Variants in NTF3 observed in about 807,000 individuals in gnomAD.
NTF3 encodes neurotrophin 3.
In NTF3, 8 loss-of-function variants were observed where a neutral mutation model predicts 26.3. The ratio of observed to expected loss-of-function variants is 0.30; its 90% CI spans 0.18 to 0.55. The LOEUF (loss-of-function observed/expected upper bound fraction) is 0.55. Ranked by LOEUF, NTF3 falls within the 20% of genes least tolerant of loss-of-function variation. NTF3 has a pLI of 0.93. For synonymous variants in NTF3, 154 were observed against 145.5 expected (o/e 1.06, Z -0.42); for missense variants, 276 against 352.9 (o/e 0.78, Z 1.75).
At position 5,449,922 on chromosome 12, in the gene NTF3, C is replaced by G. The variant is rs369830884; in HGVS notation, c.18+17580C>G. On this transcript the variant is annotated intron_variant, in intron 1 of 1. Transcript: ENST00000423158. ...TCCTCCAGGAGGCAGGAATCCAAGG[C>G]TTATAAACCATGACTTCTGGGAAGT... Among the ~76,000 whole-genome samples, 295 of 152,352 alleles carry G rather than the reference C, an allele frequency of 1.9e-3. 10 individuals are homozygous for G. The South Asian group carries it at 0.06, about 31-fold the overall frequency.
rs373326887 is a variant in NTF3 at position 5,494,276 on chromosome 12, T to C, written c.101T>C (p.Met34Thr). ...AYLRGIQGNN[M>T]DQRSLPEDSL... ...CTCCGTGGCATCCAAGGTAACAACA[T>C]GGATCAAAGGAGTTTGCCAGAAGAC... The change falls in exon 2 of 2, where the codon ATG becomes ACG. Residue 34 changes from methionine (M) to threonine (T), a missense_variant. Coordinates refer to ENST00000423158, the MANE Select transcript of NTF3 (RefSeq NM_001102654.2). The surrounding 1 kb of genome is among the most constrained non-coding windows in gnomAD (Gnocchi z 8.3). 1.6e-5 allele frequency: 26 copies of C among 1,614,016 alleles called. No homozygotes were observed. The highest frequency in any genetic ancestry group is 2.2e-5 in the East Asian group (1 of 44,878).
intron 1 of NTF3, among the ~76,000 whole-genome samples, chr12:5,491,736 TTGAATTG>T (rs1940939515): frequency 6.9e-6 from 1 of 145,244 alleles, no homozygotes; most frequent in Non-Finnish European, 1.5e-5. Flanking sequence ...TTTTTTTTTT[TTGAATTG>T]GAGTCTTGCT....
chr12:5,491,692 A>G (rs555112285), intron 1 of NTF3, among the ~76,000 whole-genome samples: 3 of 147,600 alleles, frequency 2.0e-5, no homozygotes, highest in Non-Finnish European at 4.5e-5. Context: ...AACCCCTCTC[A>G]CTTTCCTGTG....
intron 1 of NTF3, among the ~76,000 whole-genome samples, chr12:5,453,331 C>T (rs1052529565): frequency 1.3e-5 from 2 of 152,184 alleles, no homozygotes; most frequent in Non-Finnish European, 2.9e-5. Context: ...GATACCAGCT[C>T]TCTCTTCACC....
intron 1 of NTF3, among the ~76,000 whole-genome samples, chr12:5,467,493 CT>C (rs1214836097): frequency 2.0e-5 from 3 of 152,172 alleles, no homozygotes; most frequent in Non-Finnish European, 4.4e-5. Flanking sequence ...CTTACCTGTT[CT>C]TAGGACATAT....
At chr12:5,458,496 G>A (rs542248154) in intron 1 of NTF3, among the ~76,000 whole-genome samples, 5 of 152,266 alleles carry the variant, frequency 3.3e-5, no homozygotes, top group East Asian at 1.9e-4. Context: ...CAAACCACAC[G>A]TGACAGTGTC....
At chr12:5,445,051 A>C (rs2121155418) in intron 1 of NTF3, among the ~76,000 whole-genome samples, 1 of 152,324 alleles carries the variant, frequency 6.6e-6, no homozygotes, top group African/African-American at 2.4e-5. Flanking sequence ...TCTTCTATGC[A>C]TTTCCATCCT....
At chr12:5,445,294 GTGTGTA>G (rs200085593) in intron 1 of NTF3, among the ~76,000 whole-genome samples, 19,669 of 68,398 alleles carry the variant, frequency 0.29, 1,396 homozygotes, top group Middle Eastern at 0.39. Context: ...AATGATGTGT[GTGTGTA>G]TGTGTGTGTG....
At chr12:5,482,403 G>T (rs538047549) in intron 1 of NTF3, among the ~76,000 whole-genome samples, 5 of 152,294 alleles carry the variant, frequency 3.3e-5, no homozygotes, top group African/African-American at 1.2e-4. Context: ...CCATGGTGCT[G>T]GGTCTTGGCC....
chr12:5,447,482 G>A (rs1210202038), intron 1 of NTF3, among the ~76,000 whole-genome samples: 1 of 152,196 alleles, frequency 6.6e-6, no homozygotes, highest in Non-Finnish European at 1.5e-5. Context: ...GCGAAATAGA[G>A]AACTAACCTT....
intron 1 of NTF3, among the ~76,000 whole-genome samples, chr12:5,440,326 G>A (rs1435958405): frequency 1.3e-5 from 2 of 151,982 alleles, no homozygotes; most frequent in African/African-American, 4.8e-5. Flanking sequence ...TTCTTCATAT[G>A]GAGTATATAG....
At chr12:5,488,512 C>A (rs991044508) in intron 1 of NTF3, among the ~76,000 whole-genome samples, 1 of 152,214 alleles carries the variant, frequency 6.6e-6, no homozygotes, top group Non-Finnish European at 1.5e-5. Context: ...CATCATGTGG[C>A]CCCATTGACT....
At position 5,456,316 on chromosome 12, in the gene NTF3, A is replaced by G. The variant is rs973777443; in HGVS notation, c.18+23974A>G. 2.6e-5 allele frequency among the ~76,000 whole-genome samples: 4 copies of G among 152,178 alleles called. No individual in the cohort carries two copies. The highest frequency in any genetic ancestry group is 2.0e-4 in the Admixed American group (3 of 15,286). ...TTGAGAATCACATAGAATCGCATTG[A>G]TTGATGAGTGAAAAATAAATGGATG... On this transcript the variant is annotated intron_variant, in intron 1 of 1. Transcript: ENST00000423158. This position sits in a 1 kb window ranked among gnomAD's most constrained non-coding sequence, Gnocchi z 4.4.
chr12:5,434,506 T>TGTGTGTGTGTGTG (rs1940142572), intron 1 of NTF3, among the ~76,000 whole-genome samples: 1 of 147,836 alleles, frequency 6.8e-6, no homozygotes, highest in African/African-American at 2.5e-5. Context: ...TGTGTGTGTG[T>TGTGTGTGTGTGTG]AGGGGAAGGT....
At chr12:5,443,320 T>G (rs1940263224) in intron 1 of NTF3, among the ~76,000 whole-genome samples, 1 of 152,154 alleles carries the variant, frequency 6.6e-6, no homozygotes, top group Non-Finnish European at 1.5e-5. Context: ...GGGAGGTGGT[T>G]TCCTGGTTTC....
Position 5,494,423 on chromosome 12 carries a change from G to A in NTF3, c.248G>A (p.Arg83Gln), listed in dbSNP as rs200340889. 75 of 1,612,900 alleles carry A rather than the reference G, an allele frequency of 4.7e-5. No individual in the cohort carries two copies. The highest frequency in any genetic ancestry group is 6.2e-5 in the Non-Finnish European group (73 of 1,180,004). Residue 83 changes from arginine to glutamine, a missense_variant, in exon 2 of 2, where the codon CGA (arginine) becomes CAA (glutamine). Coordinates refer to ENST00000423158, the MANE Select transcript of NTF3 (RefSeq NM_001102654.2). This position sits in a 1 kb window ranked among gnomAD's most constrained non-coding sequence, Gnocchi z 8.3. ...QSTLPKAEAP[R>Q]EPERGGPAKS... ...ACCCTGCCCAAAGCTGAGGCTCCCC[G>A]AGAGCCGGAGCGGGGAGGGCCCGCC...
At chr12:5,459,670 C>T (rs1218455806) in intron 1 of NTF3, among the ~76,000 whole-genome samples, 7 of 152,158 alleles carry the variant, frequency 4.6e-5, no homozygotes, top group Non-Finnish European at 1.0e-4. Context: ...ATGTCCTAGA[C>T]GCAGGTTATC....
intron 1 of NTF3, among the ~76,000 whole-genome samples, chr12:5,454,606 G>A (rs1294114125): frequency 6.6e-6 from 1 of 152,178 alleles, no homozygotes; most frequent in Non-Finnish European, 1.5e-5. Flanking sequence ...TAGGGGCAGG[G>A]CCCCCATGTG....
intron 1 of NTF3, among the ~76,000 whole-genome samples, chr12:5,469,738 TA>T (rs1319118227): frequency 1.3e-5 from 2 of 152,328 alleles, no homozygotes; most frequent in East Asian, 3.9e-4. Flanking sequence ...TTGAAATATG[TA>T]TTTTTTAACA....
Sources: gnomAD v4.1 joint callset for allele counts (sites outside exome capture counted in the v4.1 genomes callset) on GRCh38, gnomAD v4.1.1 for gene constraint, Gnocchi (gnomAD v3.1) non-coding constraint, MANE v1.5 for transcripts, NCBI Gene and HGNC (gene_info 2026-07-23, HGNC 2026-07-21) for gene names.